Variants in CACNA1C observed in about 807,000 individuals in gnomAD.
The protein encoded by CACNA1C is calcium voltage-gated channel subunit alpha1 C, also known as voltage-dependent L-type calcium channel subunit alpha-1C.
In CACNA1C, 30 loss-of-function variants were observed where a neutral mutation model predicts 229.0. The observed-to-expected ratio is 0.13, with a 90% CI of 0.10 to 0.18. The LOEUF is 0.18. CACNA1C is among the 10% of genes least tolerant of loss of function. The probability of loss-of-function intolerance (pLI) is 1.00; values close to 1 mark genes in which losing one functional copy is unlikely to be tolerated. For synonymous variants in CACNA1C, 1,114 were observed against 1,132.5 expected, an observed-to-expected ratio of 0.98 and a Z score of 0.33; for missense variants, 1,658 against 2,845.0, an observed-to-expected ratio of 0.58 and a Z score of 9.49.
chr12:2,515,375 G>A (rs2099794418), intron 9 of CACNA1C, among the ~76,000 whole-genome samples: 1 of 152,174 alleles, frequency 6.6e-6, no homozygotes, highest in Non-Finnish European at 1.5e-5. Context: ...GTAAGACAGT[G>A]GCTCAGAAAC....
At chr12:1,986,102 T>G (rs12302021) in intron 1 of CACNA1C, among the ~76,000 whole-genome samples, 1 of 152,218 alleles carries the variant, frequency 6.6e-6, no homozygotes, top group Non-Finnish European at 1.5e-5. Context: ...CGTGAGCCAC[T>G]GCGCCCAGCC....
At chr12:2,544,148 G>GAA (rs796983264) in intron 9 of CACNA1C, among the ~76,000 whole-genome samples, 2 of 121,752 alleles carry the variant, frequency 1.6e-5, no homozygotes, top group African/African-American at 3.1e-5. Flanking sequence ...TCTGAGAAGT[G>GAA]AAAAAAAAAA....
chr12:2,304,751 C>A (rs531210402), intron 3 of CACNA1C, among the ~76,000 whole-genome samples: 180 of 152,276 alleles, frequency 1.2e-3, no homozygotes, highest in African/African-American at 4.3e-3. Flanking sequence ...CTAGGACAGC[C>A]AGTTGTTTCT....
chr12:2,294,224 G>A (rs2093791908), intron 3 of CACNA1C, among the ~76,000 whole-genome samples: 4 of 152,118 alleles, frequency 2.6e-5, no homozygotes, highest in Admixed American at 2.6e-4. Context: ...TTTCGGGGAG[G>A]ATGTATTTGA....
intron 1 of CACNA1C, among the ~76,000 whole-genome samples, chr12:1,998,433 G>C (rs1269350622): frequency 1.3e-5 from 2 of 152,178 alleles, no homozygotes; most frequent in African/African-American, 2.4e-5. Flanking sequence ...TGACTTAGGA[G>C]AGCAGATGAT....
intron 39 of CACNA1C, chr12:2,676,860 T>C (rs1218789883): frequency 5.0e-5 from 17 of 342,286 alleles, no homozygotes; most frequent in Non-Finnish European, 9.2e-5. Flanking sequence ...CTCAAGAAAC[T>C]AGATGATCTA....
At position 2,678,896 on chromosome 12, in the gene CACNA1C, ATCTC is replaced by A. The variant is rs999067492; in HGVS notation, c.5092-544_5092-541del. On this transcript the variant is annotated intron_variant, in intron 41 of 46. Coordinates refer to ENST00000399655, the MANE Select transcript of CACNA1C (RefSeq NM_000719.7). This position sits in a 1 kb window ranked among gnomAD's most constrained non-coding sequence, Gnocchi z 4.1. ...GAAAAACATTGGCTCCTGGTTTTAAATCTCTCTGAGTCCCCGAGGGGAAAAAGAC... is the reference window on the plus strand; with the variant it reads ...GAAAAACATTGGCTCCTGGTTTTAAATCTGAGTCCCCGAGGGGAAAAAGAC... 2.6e-5 allele frequency among the ~76,000 whole-genome samples: 4 copies of A among 152,310 alleles called. No homozygotes were observed. The highest frequency in any genetic ancestry group is 1.9e-4 in the East Asian group (1 of 5,172).
In CACNA1C at chr12:2,666,680, T is replaced by C. The variant is rs1239248123; in HGVS notation, c.4527-6T>C. ...TGCCCTGTCCCTCCTCTCCCTCCTCTTCTAGGGGTCGTATCAAACACCTGG... is the reference window on the plus strand; with the variant it reads ...TGCCCTGTCCCTCCTCTCCCTCCTCCTCTAGGGGTCGTATCAAACACCTGG... On this transcript the variant is annotated splice_polypyrimidine_tract_variant and splice_region_variant and intron_variant, in intron 36 of 46. Transcript: ENST00000399655. This position sits in a 1 kb window ranked among gnomAD's most constrained non-coding sequence, Gnocchi z 5.3. The C allele has an allele frequency of 1.3e-6, 2 of 1,575,144 alleles. No homozygotes were observed. Among genetic ancestry groups the C allele is most frequent in the Non-Finnish European group, 1.7e-6 (2 of 1,156,876 alleles).
At chr12:2,634,055 T>C (rs2091791172) in intron 29 of CACNA1C, among the ~76,000 whole-genome samples, 1 of 152,218 alleles carries the variant, frequency 6.6e-6, no homozygotes, top group Non-Finnish European at 1.5e-5. Context: ...CCAGCTTTTG[T>C]CAGGCCTCTG....
At position 2,335,883 on chromosome 12, in the gene CACNA1C, C is replaced by CA. The variant is rs199931453; in HGVS notation, c.478-113085dup. ...CTTCAAGTGGTATAGATGTTTTTCCCAAAAAAAAGTAAGGCTGAAAAAAAT... is the reference window on the plus strand; with the variant it reads ...CTTCAAGTGGTATAGATGTTTTTCCCAAAAAAAAAGTAAGGCTGAAAAAAAT... On this transcript the variant is annotated intron_variant, in intron 3 of 46. Coordinates refer to ENST00000399655, the MANE Select transcript of CACNA1C (RefSeq NM_000719.7). Among the ~76,000 whole-genome samples, 954 of 150,972 alleles carry CA rather than the reference C, an allele frequency of 6.3e-3. 14 individuals are homozygous for CA. The highest frequency in any genetic ancestry group is 0.021 in the African/African-American group (854 of 41,220).
Position 2,541,599 on chromosome 12 carries a change from A to G in CACNA1C, c.1391-8344A>G, listed in dbSNP as rs551436671. On this transcript the variant is annotated intron_variant, in intron 9 of 46. Transcript: ENST00000399655. ...CCGATACCCCCAGCCACTGCCTGGG[A>G]TGTCTGGGCCTGAGGCATCAACCCT... Among the ~76,000 whole-genome samples, 3 of 152,282 alleles carry G rather than the reference A, an allele frequency of 2.0e-5. No homozygotes were observed. The South Asian group carries it at 6.2e-4, about 32-fold the overall frequency.
intron 1 of CACNA1C, among the ~76,000 whole-genome samples, chr12:1,984,265 T>C (rs1389166663): frequency 3.3e-5 from 5 of 152,008 alleles, no homozygotes; most frequent in Non-Finnish European, 7.4e-5. Flanking sequence ...AGGTCTACCG[T>C]TTTATTTTTT....
Position 2,672,894 on chromosome 12 carries a change from G to A in CACNA1C, c.4727-1647G>A, listed in dbSNP as rs935686673. 4.6e-5 allele frequency among the ~76,000 whole-genome samples: 7 copies of A among 152,192 alleles called. No homozygotes were observed. In the South Asian group the frequency reaches 8.3e-4, roughly 18 times the overall value. On this transcript the variant is annotated intron_variant, in intron 38 of 46. Coordinates refer to ENST00000399655, the MANE Select transcript of CACNA1C (RefSeq NM_000719.7). ...TCAGAAACCTCCAGCTACCTCTCCC[G>A]TGATGGGGACTGATCATCTGTGCAG...
intron 3 of CACNA1C, among the ~76,000 whole-genome samples, chr12:2,433,818 C>A (rs894958459): frequency 7.9e-5 from 12 of 152,176 alleles, no homozygotes; most frequent in African/African-American, 2.7e-4. Context: ...CAAGGGACAG[C>A]CGTTGAGCCC....
chr12:2,266,421 T>C (rs1197558002), intron 3 of CACNA1C, among the ~76,000 whole-genome samples: 1 of 152,246 alleles, frequency 6.6e-6, no homozygotes, highest in Non-Finnish European at 1.5e-5. Flanking sequence ...GTTCTCATGC[T>C]CCTTCTGCAG....
At chr12:2,676,091 C>T (rs1280826620) in intron 39 of CACNA1C, 1 of 152,210 alleles carries the variant, frequency 6.6e-6, no homozygotes, top group Non-Finnish European at 1.5e-5. Flanking sequence ...AAGTTGCTGG[C>T]CCAAGGTTAC....
At chr12:2,427,971 T>G (rs962620188) in intron 3 of CACNA1C, among the ~76,000 whole-genome samples, 6 of 152,244 alleles carry the variant, frequency 3.9e-5, no homozygotes, top group African/African-American at 1.4e-4. Flanking sequence ...ATGTTTATAC[T>G]GTATTAGTGG....
At chr12:1,978,186 ATAGCCTTCTCACTGATC>A in intron 1 of CACNA1C, among the ~76,000 whole-genome samples, 1 of 152,352 alleles carries the variant, frequency 6.6e-6, no homozygotes, top group Non-Finnish European at 1.5e-5. Flanking sequence ...GAAAGGGGGC[ATAGCCTTCTCACTGATC>A]TGGAAACTAG....
chr12:2,652,971 G>A (rs373725120), intron 32 of CACNA1C, among the ~76,000 whole-genome samples: 4 of 152,238 alleles, frequency 2.6e-5, no homozygotes, highest in Admixed American at 2.0e-4. Flanking sequence ...GCAGGCGTTC[G>A]GGCCAGGCAG....
Sources: allele counts gnomAD v4.1 joint callset (sites outside exome capture counted in the v4.1 genomes callset), GRCh38; gene constraint gnomAD v4.1.1; non-coding constraint Gnocchi (gnomAD v3.1); transcripts MANE v1.5; gene names NCBI Gene and HGNC (gene_info 2026-07-23, HGNC 2026-07-21).